USP40: variants seen among roughly 807,000 people sequenced by gnomAD.
The protein encoded by USP40 is ubiquitin carboxyl-terminal hydrolase 40.
USP40 carries 143 observed loss-of-function variants against 166.2 expected under a neutral mutation model. The observed-to-expected ratio is 0.86, with a 90% CI of 0.75 to 0.99. The LOEUF (loss-of-function observed/expected upper bound fraction) is 0.99, where lower values mean the gene tolerates loss of function less well. Among genes scored for constraint, USP40 ranks in the 50% least tolerant of loss-of-function variants. The probability of loss-of-function intolerance (pLI) is 0.00; values close to 1 mark genes in which losing one functional copy is unlikely to be tolerated. For synonymous variants in USP40, 498 were observed against 524.0 expected, an observed-to-expected ratio of 0.95 and a Z score of 0.68; for missense variants, 1,444 against 1,479.7, an observed-to-expected ratio of 0.98 and a Z score of 0.40.
intron 29 of USP40, 47 bp downstream of exon 29, chr2:233,485,720 C>T: frequency 1.2e-6 from 2 of 1,605,376 alleles, no homozygotes; most frequent in Non-Finnish European, 1.7e-6. Context: ...AACCTCATTG[C>T]TATGCCGGTA....
At chr2:233,560,438 A>T (rs1338270076) in intron 3 of USP40, among the ~76,000 whole-genome samples, 1 of 152,142 alleles carries the variant, frequency 6.6e-6, no homozygotes, top group African/African-American at 2.4e-5. Context: ...TGTAGGCTAG[A>T]CTTTAAGTAT....
chr2:233,486,082 T>G lies in USP40; in HGVS notation c.3198-105A>C. 7.8e-7 allele frequency: 1 copy of G among 1,276,382 alleles called. No homozygotes were observed. 79.1% of individuals were successfully genotyped at this position (1,276,382 alleles called of 1,614,324 possible). ...CTTCTCCTCCAGCTTTTCTGGTTTT[T>G]ATAAGGAGAGATTTTTCCCTAAATG... On this transcript the variant is annotated intron_variant, in intron 28 of 31. Transcript: ENST00000678225. The surrounding 1 kb of genome is among the most constrained non-coding windows in gnomAD (Gnocchi z 4.0).
chr2:233,490,839 A>G (rs935928229), intron 26 of USP40, among the ~76,000 whole-genome samples: 4 of 152,226 alleles, frequency 2.6e-5, no homozygotes, highest in Non-Finnish European at 4.4e-5. Context: ...AACAATGTAA[A>G]TAAAGGGATA....
intron 18 of USP40, among the ~76,000 whole-genome samples, chr2:233,518,281 A>AC (rs2067390663): frequency 8.4e-6 from 1 of 118,778 alleles, no homozygotes; most frequent in Non-Finnish European, 1.8e-5. Context: ...AAAAAAAAAA[A>AC]GATGGCTGGG....
chr2:233,521,225 A>G, intron 16 of USP40, 111 bp from the exon 17 acceptor site: 1 of 1,255,684 alleles, frequency 8.0e-7, no homozygotes, highest in Non-Finnish European at 1.1e-6. Context: ...AGTTCTACTG[A>G]GTCGTCTCTA....
intron 4 of USP40, among the ~76,000 whole-genome samples, chr2:233,557,696 G>A (rs2071221615): frequency 6.6e-6 from 1 of 152,046 alleles, no homozygotes; most frequent in Non-Finnish European, 1.5e-5. Context: ...TAAGGAGGGT[G>A]GTGAGTGCTG....
chr2:233,499,904 T>G lies in USP40; in HGVS notation c.2625A>C (p.Leu875Phe). 6.2e-7 allele frequency: 1 copy of G among 1,612,422 alleles called. No homozygotes were observed. Among genetic ancestry groups the G allele is most frequent in the Non-Finnish European group, 8.5e-7 (1 of 1,179,160 alleles). The part of the protein sequence containing the change: ...ETISVRDCLK[L>F]MLKKSGLQGD... ...CTTGTAGGCCAGATTTCTTCAGCAT[T>G]AACTTTAAACACTGTAAAGAAAAAC... The change falls in exon 22 of 32, where the codon TTA becomes TTC. Residue 875 changes from leucine to phenylalanine, a missense_variant. Leu to Phe is a conservative substitution (Grantham distance 22). Coordinates refer to ENST00000678225, the MANE Select transcript of USP40 (RefSeq NM_001365479.2).
rs2064200255 is a variant in USP40, at chr2:233,476,772, C to T, written c.*620G>A. 1 of 158,608 alleles carries T rather than the reference C, an allele frequency of 6.3e-6. No homozygotes were observed. Among genetic ancestry groups the T allele is most frequent in the Admixed American group, 6.0e-5 (1 of 16,800 alleles). 9.8% of individuals were successfully genotyped at this position (158,608 alleles called of 1,614,324 possible). ...GAGCGACTCACCCTCGGAGGCCACC[C>T]TGTGTGGCTCCTCCTCGTGGAAAGA... On this transcript the variant is annotated 3_prime_UTR_variant, in exon 32 of 32. Coordinates refer to ENST00000678225, the MANE Select transcript of USP40 (RefSeq NM_001365479.2).
intron 7 of USP40, among the ~76,000 whole-genome samples, chr2:233,551,019 T>C (rs943168250): frequency 6.6e-6 from 1 of 152,258 alleles, no homozygotes; most frequent in Non-Finnish European, 1.5e-5. Context: ...GGAATAAATC[T>C]ATACTTTGGA....
At chr2:233,552,494 G>A (rs1489792432) in intron 6 of USP40, among the ~76,000 whole-genome samples, 1 of 152,134 alleles carries the variant, frequency 6.6e-6, no homozygotes, top group African/African-American at 2.4e-5. Context: ...GTGATAAAAG[G>A]TATATTTAAA....
At position 233,566,708 on chromosome 2, in the gene USP40, T is replaced by G. The variant is rs1286751679; in HGVS notation, c.-44A>C. On this transcript the variant is annotated 5_prime_UTR_variant, in exon 1 of 32. Coordinates refer to ENST00000678225, the MANE Select transcript of USP40 (RefSeq NM_001365479.2). ...CTGCCTAAAGCCCAGACCCCCGCCC[T>G]GGCCAAAACGCGAAGCGAACGAACC... The G allele has an allele frequency of 1.0e-6, 1 of 985,894 alleles. No individual in the cohort carries two copies. Among genetic ancestry groups the G allele is most frequent in the Non-Finnish European group, 1.2e-6 (1 of 830,050 alleles). 61.1% of individuals were successfully genotyped at this position (985,894 alleles called of 1,614,324 possible).
At chr2:233,527,896 C>T (rs768229976) in intron 12 of USP40, among the ~76,000 whole-genome samples, 104 of 151,968 alleles carry the variant, frequency 6.8e-4, no homozygotes, top group Non-Finnish European at 1.1e-3. Flanking sequence ...TAGAGACCTG[C>T]TTACATCATT....
At chr2:233,564,871 A>C (rs1322462551) in intron 2 of USP40, among the ~76,000 whole-genome samples, 1 of 152,174 alleles carries the variant, frequency 6.6e-6, no homozygotes, top group Non-Finnish European at 1.5e-5. Flanking sequence ...AAACAAGCTC[A>C]GGTGAGATCA....
chr2:233,556,863 C>T lies in USP40; in HGVS notation c.538G>A (p.Glu180Lys), dbSNP rs779447484. Reference sequence around the variant, plus strand: ...TACTCTGGCATATTTACCTGCCTCTCGCTAACGTTCTTACATTCTTTACAA... The same window carrying T: ...TACTCTGGCATATTTACCTGCCTCTTGCTAACGTTCTTACATTCTTTACAA... ...IVCKECKNVS[E>K]RQEDFLDLTV... Residue 180 changes from glutamate (E) to lysine (K), a missense_variant, in exon 5 of 32, where the codon GAG becomes AAG. Glu to Lys is a moderately conservative substitution (Grantham distance 56). Coordinates refer to ENST00000678225, the MANE Select transcript of USP40 (RefSeq NM_001365479.2). The T allele has an allele frequency of 7.0e-5, 112 of 1,607,626 alleles. No homozygotes were observed. The highest frequency in any genetic ancestry group is 5.4e-4 in the South Asian group (48 of 88,874).
chr2:233,514,065 C>CT (rs2067010890), intron 18 of USP40, among the ~76,000 whole-genome samples: 1 of 152,208 alleles, frequency 6.6e-6, no homozygotes, highest in South Asian at 2.1e-4. Flanking sequence ...TTAAAAAGTG[C>CT]TTTTAAAATA....
At chr2:233,504,858 G>A (rs1220992290) in intron 21 of USP40, among the ~76,000 whole-genome samples, 1 of 151,922 alleles carries the variant, frequency 6.6e-6, no homozygotes, top group Non-Finnish European at 1.5e-5. Context: ...ACCAAACGGA[G>A]CTAACAGATA....
At chr2:233,491,419 A>G (rs971213886) in intron 25 of USP40, 158 bp from the exon 26 acceptor site, 1 of 636,550 alleles carries the variant, frequency 1.6e-6, no homozygotes, top group Admixed American at 2.6e-5. Flanking sequence ...CTGGCAGGTA[A>G]GCAGGCAGGG....
At chr2:233,488,387 T>A in intron 27 of USP40, 83 bp from the exon 28 acceptor site, 2 of 1,319,728 alleles carry the variant, frequency 1.5e-6, no homozygotes, top group Non-Finnish European at 2.1e-6. Flanking sequence ...TTTAAGCTTT[T>A]TTCTTAAGCA....
At chr2:233,564,631 C>A (rs2071970139) in intron 2 of USP40, among the ~76,000 whole-genome samples, 1 of 152,060 alleles carries the variant, frequency 6.6e-6, no homozygotes, top group Admixed American at 6.6e-5. Flanking sequence ...GCACACAATC[C>A]CTTACCTAAA....
Sources: gnomAD v4.1 joint callset for allele counts (sites outside exome capture counted in the v4.1 genomes callset) on GRCh38, gnomAD v4.1.1 for gene constraint, Gnocchi (gnomAD v3.1) non-coding constraint, MANE v1.5 for transcripts, NCBI Gene and HGNC (gene_info 2026-07-23, HGNC 2026-07-21) for gene names.